Variants in FAM53A observed in about 807,000 individuals in gnomAD.
FAM53A encodes protein FAM53A.
In FAM53A, 28 loss-of-function variants were observed where a neutral mutation model predicts 26.6. That is an observed-to-expected ratio of 1.05 (90% CI 0.78 to 1.45). FAM53A has a LOEUF of 1.45. Ranked by LOEUF, FAM53A falls within the 40% of genes most tolerant of loss-of-function variation. The pLI is 0.00. For synonymous variants in FAM53A, 290 were observed against 253.1 expected (o/e 1.15, Z -1.38); for missense variants, 650 against 575.8 (o/e 1.13, Z -1.32).
At chr4:1,596,952 G>A in the FAM53A span, among the ~76,000 whole-genome samples, 3 of 152,106 alleles carry the variant, frequency 2.0e-5, no homozygotes, top group Non-Finnish European at 4.4e-5. Context: ...GCCCCCGGGG[G>A]CTCGCCCTGG....
chr4:1,600,489 C>T, the FAM53A span, among the ~76,000 whole-genome samples: 1 of 152,168 alleles, frequency 6.6e-6, no homozygotes, highest in Non-Finnish European at 1.5e-5. Flanking sequence ...CAGGAGGCCA[C>T]CCACCCACCC....
At chr4:1,627,700 C>T (rs751885121) in intron 1 of FAM53A, among the ~76,000 whole-genome samples, 5 of 152,286 alleles carry the variant, frequency 3.3e-5, no homozygotes, top group East Asian at 1.9e-4. Context: ...GGAAGGGTGT[C>T]GGGGAGGAAG....
chr4:1,685,677 C>T (rs1199646093), upstream of FAM53A, among the ~76,000 whole-genome samples: 1 of 151,846 alleles, frequency 6.6e-6, no homozygotes, highest in African/African-American at 2.4e-5. Flanking sequence ...GGAGTCCCAG[C>T]GGGGCTGGGG....
the FAM53A span, among the ~76,000 whole-genome samples, chr4:1,606,865 G>C: frequency 6.6e-6 from 1 of 152,224 alleles, no homozygotes; most frequent in South Asian, 2.1e-4. Flanking sequence ...GTACCCAGAG[G>C]CGGAATTTCA....
the FAM53A span, among the ~76,000 whole-genome samples, chr4:1,587,058 G>A: frequency 1.3e-5 from 2 of 152,146 alleles, no homozygotes; most frequent in Non-Finnish European, 2.9e-5. Flanking sequence ...TGTCTACTTA[G>A]GTCCTTTGCC....
At chr4:1,671,128 G>C (rs1714615553) in intron 1 of FAM53A, among the ~76,000 whole-genome samples, 2 of 139,496 alleles carry the variant, frequency 1.4e-5, no homozygotes, top group Non-Finnish European at 3.0e-5. Flanking sequence ...CCAGCTCACA[G>C]CCACAGCCAT....
intron 1 of FAM53A, among the ~76,000 whole-genome samples, chr4:1,682,516 C>T (rs1376475718): frequency 6.6e-6 from 1 of 152,142 alleles, no homozygotes; most frequent in Non-Finnish European, 1.5e-5. Context: ...CCGCCTCGGC[C>T]TCTCAAAGTG....
At chr4:1,645,206 G>GCCAGC (rs1491191093) in intron 4 of FAM53A, among the ~76,000 whole-genome samples, 37,096 of 138,136 alleles carry the variant, frequency 0.27, 4,836 homozygotes, top group Middle Eastern at 0.37. Context: ...GGAGGCACAG[G>GCCAGC]CCGGCCAAGC....
chr4:1,653,279 C>G (rs557125617), intron 4 of FAM53A, among the ~76,000 whole-genome samples: 33 of 152,348 alleles, frequency 2.2e-4, no homozygotes, highest in Non-Finnish European at 3.7e-4. Flanking sequence ...ACCTCACACT[C>G]TACCGGGGGT....
At chr4:1,668,426 C>A (rs1002010331) in intron 2 of FAM53A, among the ~76,000 whole-genome samples, 1 of 152,234 alleles carries the variant, frequency 6.6e-6, no homozygotes, top group African/African-American at 2.4e-5. Context: ...AGGCATGAGC[C>A]ACCACGCCCA....
chr4:1,635,817 G>A (rs1195493178), downstream of FAM53A, among the ~76,000 whole-genome samples: 1 of 149,990 alleles, frequency 6.7e-6, no homozygotes, highest in Non-Finnish European at 1.5e-5. Context: ...CAGAAGATAG[G>A]ACCTGTATAA....
At chr4:1,624,362 G>C (rs2108752546) in intron 1 of FAM53A, among the ~76,000 whole-genome samples, 1 of 152,302 alleles carries the variant, frequency 6.6e-6, no homozygotes, top group Non-Finnish European at 1.5e-5. Flanking sequence ...CTTCATAGTG[G>C]AGAAACTGAG....
At chr4:1,622,407 G>C (rs1239783519) in intron 1 of FAM53A, among the ~76,000 whole-genome samples, 1 of 152,220 alleles carries the variant, frequency 6.6e-6, no homozygotes, top group East Asian at 1.9e-4. Context: ...ACTCCTTTGT[G>C]GCCCCTCAGG....
chr4:1,631,237 C>A (rs1388989886), intron 1 of FAM53A, among the ~76,000 whole-genome samples: 1 of 152,188 alleles, frequency 6.6e-6, no homozygotes, highest in Non-Finnish European at 1.5e-5. Context: ...GGCTTCCCAG[C>A]AGCCTTTTGC....
At chr4:1,615,705 T>C (rs1714790069), downstream of FAM53A, among the ~76,000 whole-genome samples, 1 of 152,262 alleles carries the variant, frequency 6.6e-6, no homozygotes. Flanking sequence ...TGTTTGCTGC[T>C]CCTCACATGT....
chr4:1,647,045 C>A (rs906344396), intron 4 of FAM53A, among the ~76,000 whole-genome samples: 3 of 152,222 alleles, frequency 2.0e-5, no homozygotes, highest in East Asian at 3.9e-4. Flanking sequence ...AGTAGCTTCG[C>A]CAGTAAAAGC....
At chr4:1,684,866 G>C (rs554848351), upstream of FAM53A, among the ~76,000 whole-genome samples, 5 of 152,352 alleles carry the variant, frequency 3.3e-5, no homozygotes, top group East Asian at 9.6e-4. Context: ...CCGTGCTGCA[G>C]GGCTCCTTCT....
chr4:1,649,016 C>T (rs1258711917), intron 4 of FAM53A, among the ~76,000 whole-genome samples: 5 of 151,960 alleles, frequency 3.3e-5, no homozygotes, highest in Admixed American at 6.6e-5. Flanking sequence ...GGGAAGCTGA[C>T]GCAGGAGAAT....
intron 1 of FAM53A, among the ~76,000 whole-genome samples, chr4:1,634,675 A>G (rs1322179080): frequency 7.9e-5 from 12 of 152,118 alleles, no homozygotes; most frequent in Non-Finnish European, 2.9e-5. Context: ...AGGTGGGTGG[A>G]TCACCTGAGG....
Sources: gnomAD v4.1 joint callset for allele counts (sites outside exome capture counted in the v4.1 genomes callset) on GRCh38, gnomAD v4.1.1 for gene constraint, MANE v1.5 for transcripts, NCBI Gene and HGNC (gene_info 2026-07-23, HGNC 2026-07-21) for gene names.